SLC22A5: variants seen among roughly 807,000 people sequenced by gnomAD.
SLC22A5 encodes the protein solute carrier family 22 member 5.
Under a neutral mutation model 56.7 loss-of-function variants are expected in SLC22A5, and 44 were observed. The observed-to-expected ratio is 0.78, with a 90% CI of 0.61 to 1.00. The LOEUF (loss-of-function observed/expected upper bound fraction) is 1.00. Ranked by LOEUF, SLC22A5 falls within the 50% of genes least tolerant of loss-of-function variation. The pLI is 0.00. For missense variants in SLC22A5, 675 were observed against 723.0 expected, an observed-to-expected ratio of 0.93 and a Z score of 0.76; for synonymous variants, 278 against 292.1, an observed-to-expected ratio of 0.95 and a Z score of 0.49.
rs766678115 is a variant in SLC22A5, at chr5:132,369,996, C to A, written c.24C>A (p.Thr8=). The A allele has an allele frequency of 8.1e-6, 13 of 1,613,138 alleles. No individual in the cohort carries two copies. Among genetic ancestry groups the A allele is most frequent in the Non-Finnish European group, 1.1e-5 (13 of 1,179,712 alleles). Residue 8 remains threonine (T), a synonymous_variant, in exon 1 of 10, where the codon ACC becomes ACA. Transcript: ENST00000245407. MRDYDEV[T]AFLGEWGPFQ... ...GCATGCGGGACTACGACGAGGTGAC[C>A]GCCTTCCTGGGCGAGTGGGGGCCCT...
intron 7 of SLC22A5, among the ~76,000 whole-genome samples, chr5:132,391,586 G>A (rs1052696309): frequency 6.6e-6 from 1 of 152,186 alleles, no homozygotes; most frequent in African/African-American, 2.4e-5. Flanking sequence ...CTGAGCAGGG[G>A]ATGAGCCTGG....
At chr5:132,393,850 C>G in intron 9 of SLC22A5, 39 bp downstream of exon 9, 1 of 1,612,778 alleles carries the variant, frequency 6.2e-7, no homozygotes, top group East Asian at 2.2e-5. Flanking sequence ...TGCACTGGGT[C>G]TGGGTCTGGC....
chr5:132,370,937 A>G (rs554532562), intron 1 of SLC22A5, among the ~76,000 whole-genome samples: 62 of 144,144 alleles, frequency 4.3e-4, no homozygotes, highest in Non-Finnish European at 8.5e-4. Flanking sequence ...GCCTTTTCCC[A>G]TGGTCAGTTG....
At chr5:132,393,259 G>C (rs1251441102) in intron 8 of SLC22A5, among the ~76,000 whole-genome samples, 1 of 151,398 alleles carries the variant, frequency 6.6e-6, no homozygotes, top group South Asian at 2.1e-4. Context: ...AAAGCACCCT[G>C]CCTAATCTGA....
Position 132,369,753 on chromosome 5 carries a change from C to G in SLC22A5, c.-220C>G, listed in dbSNP as rs528509660. The G allele has an allele frequency of 4.0e-6, 2 of 502,242 alleles. No homozygotes were observed. Among genetic ancestry groups the G allele is most frequent in the East Asian group, 3.5e-5 (1 of 28,170 alleles). The allele number at this position is 502,242 out of a possible 1,614,324, so 31.1% of individuals were successfully genotyped here. ...CTGCCTGCCAGCGGGGCGCGCCTTG[C>G]GGCCCAGGCCCGCAACCTTCCCTGG... On this transcript the variant is annotated 5_prime_UTR_variant, in exon 1 of 10. Coordinates refer to ENST00000245407, the MANE Select transcript of SLC22A5 (RefSeq NM_003060.4).
chr5:132,383,174 C>G (rs1170245033), intron 2 of SLC22A5: 1 of 152,376 alleles, frequency 6.6e-6, no homozygotes, highest in Admixed American at 6.5e-5. Flanking sequence ...AGCATCCTCT[C>G]TCTCTCCCCA....
intron 2 of SLC22A5, chr5:132,379,261 G>A (rs1464110010): frequency 1.3e-5 from 2 of 152,596 alleles, no homozygotes; most frequent in East Asian, 1.9e-4. Context: ...GAGCTTCAGG[G>A]TCTGTCAGAG....
In SLC22A5 at chr5:132,378,475, C is replaced by G. The variant is rs1057516765; in HGVS notation, c.491C>G (p.Ser164Ter). ...LLGSFISGQL[S>*]DRFGRKNVLF... ...GGCTCCTTCATTTCAGGGCAGCTGT[C>G]AGACAGGTAAGGTGTCTGTCTTCTG... Residue 164 changes from serine to a stop codon, truncating the protein, a stop_gained, in exon 2 of 10, where the codon TCA becomes TGA. Transcript: ENST00000245407. LOFTEE classifies it high-confidence loss of function. 1 of 1,613,298 alleles carries G rather than the reference C, an allele frequency of 6.2e-7. No individual in the cohort carries two copies. The highest frequency in any genetic ancestry group is 8.5e-7 in the Non-Finnish European group (1 of 1,179,204).
intron 1 of SLC22A5, among the ~76,000 whole-genome samples, chr5:132,371,319 G>A (rs1751920367): frequency 6.6e-6 from 1 of 152,128 alleles, no homozygotes; most frequent in Non-Finnish European, 1.5e-5. Context: ...GTGACTTGTT[G>A]ACCTGGAATA....
At position 132,369,764 on chromosome 5, in the gene SLC22A5, C is replaced by G. The variant is rs1580866726; in HGVS notation, c.-209C>G. ...CGGGGCGCGCCTTGCGGCCCAGGCCCGCAACCTTCCCTGGTCGTGCGCCCT... is the reference window on the plus strand; with the variant it reads ...CGGGGCGCGCCTTGCGGCCCAGGCCGGCAACCTTCCCTGGTCGTGCGCCCT... On this transcript the variant is annotated 5_prime_UTR_variant, in exon 1 of 10. Coordinates refer to ENST00000245407, the MANE Select transcript of SLC22A5 (RefSeq NM_003060.4). The G allele has an allele frequency of 5.1e-6, 3 of 591,124 alleles. No homozygotes were observed. The East Asian group carries it at 1.0e-4, about 20-fold the overall frequency. 36.6% of individuals were successfully genotyped at this position (591,124 alleles called of 1,614,324 possible). A position where few individuals can be genotyped will look rare whatever the true frequency, so the allele number is the denominator to read the frequency against.
intron 1 of SLC22A5, among the ~76,000 whole-genome samples, chr5:132,374,045 G>A (rs936665198): frequency 2.6e-5 from 4 of 151,950 alleles, no homozygotes; most frequent in Admixed American, 1.3e-4. Flanking sequence ...GTGAAACCTC[G>A]TATCCGCTAA....
chr5:132,370,505 G>A (rs1751869538), intron 1 of SLC22A5, 140 bp downstream of exon 1: 3 of 1,014,682 alleles, frequency 3.0e-6, no homozygotes, highest in Non-Finnish European at 2.9e-6. Context: ...TAGCGATGGA[G>A]ACCCTCCAGC....
At chr5:132,386,371 G>C (rs1028708605) in intron 4 of SLC22A5, among the ~76,000 whole-genome samples, 8 of 152,006 alleles carry the variant, frequency 5.3e-5, no homozygotes, top group African/African-American at 1.9e-4. Flanking sequence ...GGGACTACAG[G>C]TGCCTGCCAC....
rs1426971848 is a variant in SLC22A5, at chr5:132,370,371, T to A, written c.393+6T>A. ...TGTCCACCATTGTGACCGAGGTGGG[T>A]GCCGGCCCCTGCTGGGGCTGAGACC... On this transcript the variant is annotated splice_donor_region_variant and intron_variant, in intron 1 of 9. Transcript: ENST00000245407. 6.2e-7 allele frequency: 1 copy of A among 1,611,336 alleles called. No homozygotes were observed. The highest frequency in any genetic ancestry group is 8.5e-7 in the Non-Finnish European group (1 of 1,179,500).
chr5:132,386,288 C>T (rs988805567), intron 4 of SLC22A5, among the ~76,000 whole-genome samples: 8 of 149,258 alleles, frequency 5.4e-5, no homozygotes, highest in Non-Finnish European at 1.2e-4. Context: ...AGTGCAGTGG[C>T]GTGATTTCCA....
In SLC22A5 at chr5:132,370,302, G is replaced by A. The variant is rs1182385633; in HGVS notation, c.330G>A (p.Gln110=). ...GRDVDLGQLE[Q]ESCLDGWEFS... is the part of the protein sequence containing the mutation. ...ACGTGGACCTGGGGCAGCTGGAGCA[G>A]GAGAGCTGTCTGGATGGCTGGGAGT... The change falls in exon 1 of 10, where the codon CAG becomes CAA. Residue 110 remains glutamine, a synonymous_variant. Transcript: ENST00000245407. The A allele has an allele frequency of 1.2e-6, 2 of 1,610,724 alleles. No individual in the cohort carries two copies. Among genetic ancestry groups the A allele is most frequent in the African/African-American group, 1.3e-5 (1 of 74,922 alleles).
rs2631365 is a variant in SLC22A5 at position 132,370,257 on chromosome 5, T to C, written c.285T>C (p.Leu95=). Residue 95 remains leucine (L), a synonymous_variant, in exon 1 of 10, where the codon CTT becomes CTC. Transcript: ENST00000245407. ...CCACCATCGCCAACTTCTCGGCGCTTGGGCTGGAGCCGGGGCGCGACGTGG... is the reference window on the plus strand; with the variant it reads ...CCACCATCGCCAACTTCTCGGCGCTCGGGCTGGAGCCGGGGCGCGACGTGG... The part of the protein sequence containing the change: ...RLATIANFSA[L]GLEPGRDVDL... The C allele has an allele frequency of 0.4, 640,882 of 1,582,580 alleles. 135,090 individuals are homozygous for C. The highest frequency in any genetic ancestry group is 0.67 in the East Asian group (28,687 of 42,932).
Position 132,369,942 on chromosome 5 carries a change from A to G in SLC22A5, c.-31A>G, listed in dbSNP as rs752550632. The G allele has an allele frequency of 1.9e-6, 3 of 1,610,358 alleles. No individual in the cohort carries two copies. Among genetic ancestry groups the G allele is most frequent in the Non-Finnish European group, 2.5e-6 (3 of 1,178,754 alleles). ...AAAGCCCGCCGCGTTCCCCGACCCC[A>G]GGCCGCGCTCTGTGGGCCTCTGAGG... On this transcript the variant is annotated 5_prime_UTR_variant, in exon 1 of 10. Coordinates refer to ENST00000245407, the MANE Select transcript of SLC22A5 (RefSeq NM_003060.4).
At chr5:132,381,786 T>C (rs1752357406) in intron 2 of SLC22A5, 1 of 152,236 alleles carries the variant, frequency 6.6e-6, no homozygotes, top group South Asian at 2.1e-4. Flanking sequence ...TGCCATTTTG[T>C]TGACAGACTT....
Sources: gnomAD v4.1 joint callset for allele counts (sites outside exome capture counted in the v4.1 genomes callset) on GRCh38, gnomAD v4.1.1 for gene constraint, MANE v1.5 for transcripts, NCBI Gene and HGNC (gene_info 2026-07-23, HGNC 2026-07-21) for gene names.